DDX39B: variants seen among roughly 807,000 people sequenced by gnomAD.
DDX39B encodes the protein DExD-box helicase 39B.
In DDX39B, 6 loss-of-function variants were observed where a neutral mutation model predicts 46.4. The observed-to-expected ratio is 0.13, with a 90% CI of 0.07 to 0.26. DDX39B has a LOEUF of 0.26. DDX39B is among the 10% of genes least tolerant of loss of function. The probability of loss-of-function intolerance (pLI) is 1.00; values close to 1 mark genes in which losing one functional copy is unlikely to be tolerated. For synonymous variants in DDX39B, 174 were observed against 199.4 expected (o/e 0.87, Z 1.07); for missense variants, 185 against 553.4 (o/e 0.33, Z 6.68).
chr6:31,530,915 T>C lies in DDX39B; in HGVS notation c.1134A>G (p.Ala378=). Residue 378 remains alanine (A), a synonymous_variant, in exon 10 of 11, where the codon GCA becomes GCG. Coordinates refer to ENST00000396172, the MANE Select transcript of DDX39B (RefSeq NM_004640.7). The surrounding 1 kb of genome is among the most constrained non-coding windows in gnomAD (Gnocchi z 4.5). ...SDTYLHRVAR[A]GRFGTKGLAI... ...CCAAGCCCTTGGTGCCAAACCGGCCTGCTCTGGCCACCTGGAGGGAGACAG... is the reference window on the plus strand; with the variant it reads ...CCAAGCCCTTGGTGCCAAACCGGCCCGCTCTGGCCACCTGGAGGGAGACAG... 1 of 1,614,128 alleles carries C rather than the reference T, an allele frequency of 6.2e-7. No homozygotes were observed. The highest frequency in any genetic ancestry group is 8.5e-7 in the Non-Finnish European group (1 of 1,180,040).
chr6:31,536,312 G>A, intron 5 of DDX39B, 188 bp downstream of exon 5: 1 of 842,184 alleles, frequency 1.2e-6, no homozygotes, highest in Admixed American at 1.9e-5. Flanking sequence ...ATCATAGAAA[G>A]ATGATAGATG....
rs938725414 is a variant in DDX39B, at chr6:31,530,911, G to T, written c.1138C>A (p.Arg380=). The change falls in exon 10 of 11, where the codon CGG becomes AGG. Residue 380 remains arginine (R), a synonymous_variant. Coordinates refer to ENST00000396172, the MANE Select transcript of DDX39B (RefSeq NM_004640.7). The surrounding 1 kb of genome is among the most constrained non-coding windows in gnomAD (Gnocchi z 4.5). The part of the protein sequence containing the change: ...TYLHRVARAG[R]FGTKGLAITF... Reference sequence around the variant, plus strand: ...ATAGCCAAGCCCTTGGTGCCAAACCGGCCTGCTCTGGCCACCTGGAGGGAG... The same window carrying T: ...ATAGCCAAGCCCTTGGTGCCAAACCTGCCTGCTCTGGCCACCTGGAGGGAG... 6.2e-7 allele frequency: 1 copy of T among 1,614,076 alleles called. No individual in the cohort carries two copies. Among genetic ancestry groups the T allele is most frequent in the East Asian group, 2.2e-5 (1 of 44,870 alleles).
Position 31,530,371 on chromosome 6 carries a change from C to T in DDX39B, c.*63G>A, listed in dbSNP as rs11264. On this transcript the variant is annotated 3_prime_UTR_variant, in exon 11 of 11. Transcript: ENST00000396172. The surrounding 1 kb of genome is among the most constrained non-coding windows in gnomAD (Gnocchi z 4.5). ...GGGGTGGGGGCAGTAGTGTCTCCTT[C>T]ACCCCCACCCTGGTGTCCTCTCCTG... 2 of 1,600,240 alleles carry T rather than the reference C, an allele frequency of 1.2e-6. No individual in the cohort carries two copies. Among genetic ancestry groups the T allele is most frequent in the Non-Finnish European group, 1.7e-6 (2 of 1,170,792 alleles).
chr6:31,534,793 C>G lies in DDX39B; in HGVS notation c.735+574G>C. 1 of 322,978 alleles carries G rather than the reference C, an allele frequency of 3.1e-6. No individual in the cohort carries two copies. The highest frequency in any genetic ancestry group is 6.1e-6 in the Non-Finnish European group (1 of 163,504). 20.0% of individuals were successfully genotyped at this position (322,978 alleles called of 1,614,324 possible). ...CATCAACCGAGGTTCCAGATGGGTG[C>G]AAGGAGATGTGGGTGGGAAGGAGTA... On this transcript the variant is annotated intron_variant, in intron 6 of 10. Coordinates refer to ENST00000396172, the MANE Select transcript of DDX39B (RefSeq NM_004640.7). The surrounding 1 kb of genome is among the most constrained non-coding windows in gnomAD (Gnocchi z 5.1).
rs1298761307 is a variant in DDX39B at position 31,534,515 on chromosome 6, A to C, written c.735+852T>G. On this transcript the variant is annotated intron_variant, in intron 6 of 10. Transcript: ENST00000396172. The surrounding 1 kb of genome is among the most constrained non-coding windows in gnomAD (Gnocchi z 5.1). Reference sequence around the variant, plus strand: ...CCTATGTCCCTCTCCTCTGAGTATTAAAAAAAACAAAAAAATTTTTTTAAG... The same window carrying C: ...CCTATGTCCCTCTCCTCTGAGTATTCAAAAAAACAAAAAAATTTTTTTAAG... The C allele has an allele frequency of 2.1e-6, 1 of 469,094 alleles. No homozygotes were observed. The highest frequency in any genetic ancestry group is 4.4e-6 in the Non-Finnish European group (1 of 226,490). The allele number at this position is 469,094 out of a possible 1,614,324, so 29.1% of individuals were successfully genotyped here.
chr6:31,532,408 T>C (rs1020635450), intron 7 of DDX39B: 40 of 191,848 alleles, frequency 2.1e-4, no homozygotes, highest in Admixed American at 2.1e-3. Flanking sequence ...CTGGCTAATT[T>C]TTTTCTTCTT....
intron 7 of DDX39B, chr6:31,532,521 T>G (rs940425043): frequency 5.3e-6 from 2 of 379,842 alleles, no homozygotes; most frequent in Admixed American, 4.0e-5. Context: ...ATTACACACA[T>G]AAGCCACCGT....
At chr6:31,536,327 C>T in intron 5 of DDX39B, 173 bp downstream of exon 5, 1 of 909,228 alleles carries the variant, frequency 1.1e-6, no homozygotes. Flanking sequence ...TAGATGACAC[C>T]CTTTACTGTG....
rs531048281 is a variant in DDX39B, at chr6:31,538,853, C to T, written c.342G>A (p.Val114=). The T allele has an allele frequency of 1.9e-6, 3 of 1,613,886 alleles. No homozygotes were observed. Among genetic ancestry groups the T allele is most frequent in the African/African-American group, 2.7e-5 (2 of 75,012 alleles). The part of the protein sequence containing the change: ...LQQLEPVTGQ[V]SVLVMCHTRE... ...GAGTGTGACACATCACCAGTACAGA[C>T]ACCTTAGGCAGGAAGTAGACGGAGA... is the stretch of plus-strand genomic sequence containing the variant. Residue 114 remains valine, a splice_region_variant and synonymous_variant, in exon 4 of 11, where the codon GTG becomes GTA. Coordinates refer to ENST00000396172, the MANE Select transcript of DDX39B (RefSeq NM_004640.7).
intron 2 of DDX39B, among the ~76,000 whole-genome samples, chr6:31,539,723 A>C (rs1199285990): frequency 6.6e-6 from 1 of 152,182 alleles, no homozygotes; most frequent in Non-Finnish European, 1.5e-5. Flanking sequence ...TCATCTCTAA[A>C]CCAGTCATAG....
intron 3 of DDX39B, 145 bp from the exon 4 acceptor site, chr6:31,539,000 C>A (rs781578661): frequency 6.6e-7 from 1 of 1,508,898 alleles, no homozygotes; most frequent in Admixed American, 1.7e-5. Context: ...ACGCTTGCGA[C>A]AGAACATCCC....
chr6:31,538,682 TAA>T (rs1375609374), intron 4 of DDX39B, 79 bp downstream of exon 4: 2 of 1,303,992 alleles, frequency 1.5e-6, no homozygotes, highest in Admixed American at 4.5e-5. Flanking sequence ...TCTCCAAAAT[TAA>T]AGAGACTATT....
chr6:31,535,094 G>C lies in DDX39B; in HGVS notation c.735+273C>G. On this transcript the variant is annotated intron_variant, in intron 6 of 10. Coordinates refer to ENST00000396172, the MANE Select transcript of DDX39B (RefSeq NM_004640.7). The surrounding 1 kb of genome is among the most constrained non-coding windows in gnomAD (Gnocchi z 4.6). Reference sequence around the variant, plus strand: ...ATCCTGCCCTCCCCCAAAGGGAGAAGAGGTTCAAAAATGTTGTGATTTATG... The same window carrying C: ...ATCCTGCCCTCCCCCAAAGGGAGAACAGGTTCAAAAATGTTGTGATTTATG... 1 of 519,036 alleles carries C rather than the reference G, an allele frequency of 1.9e-6. No homozygotes were observed. 32.2% of individuals were successfully genotyped at this position (519,036 alleles called of 1,614,324 possible). A position where few individuals can be genotyped will look rare whatever the true frequency, so the allele number is the denominator to read the frequency against.
intron 4 of DDX39B, among the ~76,000 whole-genome samples, chr6:31,537,363 T>C (rs537487341): frequency 5.9e-5 from 9 of 152,200 alleles, no homozygotes; most frequent in African/African-American, 1.9e-4. Context: ...GAGGTGGAGA[T>C]TGCAGTGAGG....
chr6:31,541,993 G>T lies in DDX39B; in HGVS notation c.-176C>A, dbSNP rs553895415. On this transcript the variant is annotated 5_prime_UTR_variant, in exon 1 of 11. Coordinates refer to ENST00000396172, the MANE Select transcript of DDX39B (RefSeq NM_004640.7). ...TATGGCGGCAGCAACAGCGACGAAG[G>T]AGGGAAATCTGCCTTCACTTCCGGT... 3 of 679,940 alleles carry T rather than the reference G, an allele frequency of 4.4e-6. No individual in the cohort carries two copies. The East Asian group carries it at 8.2e-5, about 19-fold the overall frequency. The allele number at this position is 679,940 out of a possible 1,614,324, so 42.1% of individuals were successfully genotyped here. A position where few individuals can be genotyped will look rare whatever the true frequency, so the allele number is the denominator to read the frequency against.
At position 31,535,388 on chromosome 6, in the gene DDX39B, G is replaced by A. The variant is rs989722483; in HGVS notation, c.714C>T (p.Val238=). ...TTACATCTTGCATGAACTTGCGGCA[G>A]ACTGGACGGATCTCTTTGCTCAAGG... is the stretch of plus-strand genomic sequence containing the variant. The part of the protein sequence containing the change: ...SATLSKEIRP[V]CRKFMQDPME... The change falls in exon 6 of 11, where the codon GTC becomes GTT. Residue 238 remains valine (V), a synonymous_variant. Coordinates refer to ENST00000396172, the MANE Select transcript of DDX39B (RefSeq NM_004640.7). The surrounding 1 kb of genome is among the most constrained non-coding windows in gnomAD (Gnocchi z 4.6). 6.2e-7 allele frequency: 1 copy of A among 1,613,482 alleles called. No homozygotes were observed.
chr6:31,540,847 G>A (rs1301891037), intron 1 of DDX39B, 183 bp from the exon 2 acceptor site: 2 of 469,170 alleles, frequency 4.3e-6, no homozygotes, highest in Non-Finnish European at 7.7e-6. Flanking sequence ...AGGGAAAGTG[G>A]TTAGGACAGA....
At chr6:31,541,225 TC>T in intron 1 of DDX39B, 1 of 533,316 alleles carries the variant, frequency 1.9e-6, no homozygotes, top group South Asian at 1.4e-5. Flanking sequence ...CTCAGTATCC[TC>T]CCTTCCGCTG....
At position 31,531,474 on chromosome 6, in the gene DDX39B, C is replaced by T. The variant is rs1198929892; in HGVS notation, c.868-69G>A. On this transcript the variant is annotated intron_variant, in intron 7 of 10. Coordinates refer to ENST00000396172, the MANE Select transcript of DDX39B (RefSeq NM_004640.7). The surrounding 1 kb of genome is among the most constrained non-coding windows in gnomAD (Gnocchi z 5.8). The stretch of plus-strand genomic sequence containing the variant: ...GGTCCATGGTGTGTGAGAGACATTA[C>T]GTGGGAGAGGGGAGTTTCTAGTAAT... The T allele has an allele frequency of 6.5e-6, 9 of 1,378,438 alleles. No individual in the cohort carries two copies. Among genetic ancestry groups the T allele is most frequent in the Admixed American group, 3.6e-5 (2 of 55,896 alleles). 85.4% of individuals were successfully genotyped at this position (1,378,438 alleles called of 1,614,324 possible). A position where few individuals can be genotyped will look rare whatever the true frequency, so the allele number is the denominator to read the frequency against.
Sources: allele counts gnomAD v4.1 joint callset (sites outside exome capture counted in the v4.1 genomes callset), GRCh38; gene constraint gnomAD v4.1.1; non-coding constraint Gnocchi (gnomAD v3.1); transcripts MANE v1.5; gene names NCBI Gene and HGNC (gene_info 2026-07-23, HGNC 2026-07-21).